The following HMGCLL1 variants were observed in gnomAD, a reference collection of about 807,000 sequenced individuals.
HMGCLL1 encodes the protein 3-hydroxy-3-methylglutaryl-CoA lyase like 1.
In HMGCLL1, 36 loss-of-function variants were observed where a neutral mutation model predicts 39.1. That is an observed-to-expected ratio of 0.92 (90% CI 0.71 to 1.22). The LOEUF is 1.22. HMGCLL1 is among the 50% of genes most tolerant of loss of function. HMGCLL1 has a pLI of 0.00. For synonymous variants in HMGCLL1, 149 were observed against 144.0 expected (o/e 1.03, Z -0.25); for missense variants, 451 against 416.5 (o/e 1.08, Z -0.72).
intron 1 of HMGCLL1, among the ~76,000 whole-genome samples, chr6:55,549,767 C>CT (rs72051533): frequency 7.3e-5 from 11 of 150,978 alleles, no homozygotes; most frequent in Admixed American, 2.6e-4. Flanking sequence ...AATTTCATTA[C>CT]TTTTTTTTTG....
chr6:55,550,681 G>A (rs4075708), intron 1 of HMGCLL1, among the ~76,000 whole-genome samples: 100,669 of 151,318 alleles, frequency 0.67, 33,981 homozygotes, highest in Admixed American at 0.72. Flanking sequence ...CATATTCTTC[G>A]AAGTAGGTGG....
At chr6:55,448,244 G>C (rs1763937816) in intron 7 of HMGCLL1, among the ~76,000 whole-genome samples, 3 of 151,462 alleles carry the variant, frequency 2.0e-5, no homozygotes, top group African/African-American at 4.8e-5. Context: ...GAAAAATAGA[G>C]ACAGAGTTGA....
At chr6:55,649,359 T>C in the HMGCLL1 span, among the ~76,000 whole-genome samples, 1 of 151,000 alleles carries the variant, frequency 6.6e-6, no homozygotes, top group Non-Finnish European at 1.5e-5. Context: ...CAAATACTCA[T>C]ATATAGGGTA....
chr6:55,531,719 C>T (rs1768687357), intron 3 of HMGCLL1, among the ~76,000 whole-genome samples: 1 of 152,082 alleles, frequency 6.6e-6, no homozygotes, highest in South Asian at 2.1e-4. Context: ...CTCCCCATCA[C>T]TCATGTTACC....
At chr6:55,543,123 T>A (rs1258785267) in intron 1 of HMGCLL1, among the ~76,000 whole-genome samples, 1 of 21,434 alleles carries the variant, frequency 4.7e-5, no homozygotes, top group African/African-American at 1.6e-4. Flanking sequence ...ATATAATATA[T>A]ATCATATATA....
the HMGCLL1 span, among the ~76,000 whole-genome samples, chr6:55,616,956 A>T: frequency 6.6e-6 from 1 of 152,132 alleles, no homozygotes; most frequent in Non-Finnish European, 1.5e-5. Flanking sequence ...ACTAGGTAGA[A>T]GTTTGGAAGA....
At chr6:55,439,798 A>G (rs1581781308) in intron 7 of HMGCLL1, 3 of 364,130 alleles carry the variant, frequency 8.2e-6, no homozygotes, top group East Asian at 4.2e-5. Flanking sequence ...ATAATCTTTG[A>G]TCAAAAGTAA....
the HMGCLL1 span, among the ~76,000 whole-genome samples, chr6:55,633,311 A>G: frequency 1.3e-5 from 2 of 151,942 alleles, no homozygotes; most frequent in African/African-American, 4.8e-5. Flanking sequence ...TACAGGAATC[A>G]GAAGAAGGGG....
At chr6:55,598,892 T>C in the HMGCLL1 span, among the ~76,000 whole-genome samples, 1 of 152,184 alleles carries the variant, frequency 6.6e-6, no homozygotes, top group Admixed American at 6.6e-5. Context: ...GTAAATTTTA[T>C]GATAAATTAT....
chr6:55,503,693 A>C (rs759330147), intron 5 of HMGCLL1, among the ~76,000 whole-genome samples: 39 of 151,696 alleles, frequency 2.6e-4, no homozygotes, highest in Non-Finnish European at 4.7e-4. Context: ...AACATGTCTG[A>C]AGTGGTCATC....
At chr6:55,601,881 G>T in the HMGCLL1 span, among the ~76,000 whole-genome samples, 1 of 152,010 alleles carries the variant, frequency 6.6e-6, no homozygotes, top group Non-Finnish European at 1.5e-5. Flanking sequence ...TGAGCTAAAT[G>T]CTTTTTCTCT....
At chr6:55,452,283 T>C (rs4998850) in intron 7 of HMGCLL1, among the ~76,000 whole-genome samples, 45,694 of 152,008 alleles carry the variant, frequency 0.3, 7,227 homozygotes, top group African/African-American at 0.41. Context: ...CTGATTGGAC[T>C]TAAATTTGGT....
At chr6:55,626,812 A>T in the HMGCLL1 span, among the ~76,000 whole-genome samples, 3 of 152,042 alleles carry the variant, frequency 2.0e-5, no homozygotes, top group Non-Finnish European at 4.4e-5. Flanking sequence ...TCAAGAGGCT[A>T]AGAAAGGAGT....
At chr6:55,496,523 C>T (rs192225476) in intron 6 of HMGCLL1, among the ~76,000 whole-genome samples, 63 of 152,236 alleles carry the variant, frequency 4.1e-4, no homozygotes, top group Non-Finnish European at 8.2e-4. Flanking sequence ...CCTGGTGATG[C>T]TAATCATCTC....
chr6:55,647,745 C>CTTTTTTTTTTTTTTTTTTTTT, the HMGCLL1 span, among the ~76,000 whole-genome samples: 37 of 115,856 alleles, frequency 3.2e-4, no homozygotes, highest in African/African-American at 5.2e-4. Context: ...TTTTTTTTTC[C>CTTTTTTTTTTTTTTTTTTTTT]TTTTTTTTTT....
chr6:55,613,329 T>G, the HMGCLL1 span, among the ~76,000 whole-genome samples: 1 of 152,172 alleles, frequency 6.6e-6, no homozygotes, highest in Admixed American at 6.5e-5. Flanking sequence ...AATCGGAGCG[T>G]TTTTACATTG....
At chr6:55,558,286 T>G (rs1046268189) in intron 1 of HMGCLL1, among the ~76,000 whole-genome samples, 21 of 152,184 alleles carry the variant, frequency 1.4e-4, no homozygotes, top group African/African-American at 5.1e-4. Context: ...ATGAGGGCCA[T>G]TAAATACTTG....
chr6:55,542,231 C>T (rs1769482604), intron 1 of HMGCLL1, 91 bp from the exon 2 acceptor site: 1 of 692,732 alleles, frequency 1.4e-6, no homozygotes, highest in African/African-American at 1.8e-5. Flanking sequence ...CTTTGTTATA[C>T]TCTTACCCCA....
At chr6:55,448,067 C>A (rs1763931929) in intron 7 of HMGCLL1, among the ~76,000 whole-genome samples, 3 of 152,140 alleles carry the variant, frequency 2.0e-5, no homozygotes, top group Admixed American at 2.0e-4. Context: ...GCAACATTAG[C>A]AAACAACTTC....
Sources: allele counts gnomAD v4.1 joint callset (sites outside exome capture counted in the v4.1 genomes callset), GRCh38; gene constraint gnomAD v4.1.1; transcripts MANE v1.5; gene names NCBI Gene and HGNC (gene_info 2026-07-23, HGNC 2026-07-21).